The following ZMYND8 variants were observed in gnomAD, a reference collection of about 807,000 sequenced individuals.
ZMYND8 encodes the protein MYND-type zinc finger-containing chromatin reader ZMYND8.
A neutral mutation model predicts 140.8 loss-of-function variants in ZMYND8; 37 were observed. That is an observed-to-expected ratio of 0.26 (90% CI 0.20 to 0.35). The LOEUF (loss-of-function observed/expected upper bound fraction) is 0.35, where lower values mean the gene tolerates loss of function less well. ZMYND8 is among the 10% of genes least tolerant of loss of function. The pLI is 1.00. For missense variants in ZMYND8, 1,068 were observed against 1,570.0 expected, an observed-to-expected ratio of 0.68 and a Z score of 5.40; for synonymous variants, 592 against 597.1, an observed-to-expected ratio of 0.99 and a Z score of 0.12.
intron 7 of ZMYND8, 99 bp downstream of exon 7, chr20:47,290,088 T>G (rs1027702678): frequency 2.6e-6 from 3 of 1,162,700 alleles, no homozygotes; most frequent in African/African-American, 1.6e-5. Context: ...ACGCAAGTAT[T>G]CTCAATATGA....
rs754942487 is a variant in ZMYND8 at position 47,310,147 on chromosome 20, G to T, written c.143C>A (p.Ser48Tyr). The change falls in exon 3 of 23, where the codon TCT (serine) becomes TAT (tyrosine). Residue 48 changes from serine (S) to tyrosine (Y), a missense_variant. By Grantham distance (144) the Ser-to-Tyr change is moderately radical. Transcript: ENST00000471951. ...GTCCTGCGGCGAGTGGCCATTGGAA[G>T]AATGTGGAGGGCTGGGGAACTTTCT... ...QKRKFPSPPH[S>Y]SNGHSPQDTS... 6.2e-7 allele frequency: 1 copy of T among 1,613,674 alleles called. No individual in the cohort carries two copies. Among genetic ancestry groups the T allele is most frequent in the South Asian group, 1.1e-5 (1 of 91,000 alleles).
intron 11 of ZMYND8, among the ~76,000 whole-genome samples, chr20:47,264,059 G>T (rs918697173): frequency 6.6e-6 from 1 of 152,114 alleles, no homozygotes; most frequent in East Asian, 1.9e-4. Flanking sequence ...CTGCTGCCAT[G>T]CACAGAGCGG....
chr20:47,341,229 T>C (rs1038964263), intron 2 of ZMYND8, among the ~76,000 whole-genome samples: 1 of 152,152 alleles, frequency 6.6e-6, no homozygotes, highest in Non-Finnish European at 1.5e-5. Context: ...TATCCTTCCT[T>C]GTCTACTGAG....
At chr20:47,328,828 C>A (rs1297270813) in intron 2 of ZMYND8, among the ~76,000 whole-genome samples, 1 of 152,168 alleles carries the variant, frequency 6.6e-6, no homozygotes, top group Non-Finnish European at 1.5e-5. Context: ...CCATGAAATG[C>A]CAGTCCCTTG....
intron 11 of ZMYND8, among the ~76,000 whole-genome samples, chr20:47,269,959 A>G (rs926207551): frequency 6.6e-5 from 10 of 152,234 alleles, no homozygotes; most frequent in African/African-American, 2.4e-4. Flanking sequence ...ATACAAGGCT[A>G]TGGACCAGGC....
At chr20:47,220,133 C>CCA (rs1276413171) in intron 21 of ZMYND8, 125 bp downstream of exon 21, 1 of 868,588 alleles carries the variant, frequency 1.2e-6, no homozygotes, top group African/African-American at 1.7e-5. Flanking sequence ...CCCAGGCACC[C>CCA]CTAAGGATCC....
chr20:47,304,618 C>T (rs550894704), intron 3 of ZMYND8, among the ~76,000 whole-genome samples: 21 of 152,348 alleles, frequency 1.4e-4, no homozygotes, highest in African/African-American at 4.3e-4. Flanking sequence ...ACAGAGGCCA[C>T]ACAGGGACCA....
rs1217551908 is a variant in ZMYND8 at position 47,210,585 on chromosome 20, C to T, written c.*176G>A. On this transcript the variant is annotated 3_prime_UTR_variant, in exon 23 of 23. Transcript: ENST00000471951. ...GTGGGTGAACAGTCTGCAGTCAAAG[C>T]CGATGCTGGGTGTCCTGTAGTGTAG... 3.2e-5 allele frequency: 28 copies of T among 875,906 alleles called. No individual in the cohort carries two copies. The East Asian group carries it at 6.7e-4, about 21-fold the overall frequency. 54.3% of individuals were successfully genotyped at this position (875,906 alleles called of 1,614,324 possible). A position where few individuals can be genotyped will look rare whatever the true frequency, so the allele number is the denominator to read the frequency against.
intron 2 of ZMYND8, among the ~76,000 whole-genome samples, chr20:47,344,828 A>G (rs2082207679): frequency 6.6e-6 from 1 of 152,134 alleles, no homozygotes; most frequent in Non-Finnish European, 1.5e-5. Flanking sequence ...GTAATAGAAA[A>G]TTGGCCAGGC....
intron 2 of ZMYND8, among the ~76,000 whole-genome samples, chr20:47,325,156 C>G (rs888833527): frequency 1.3e-5 from 2 of 152,160 alleles, no homozygotes; most frequent in African/African-American, 4.8e-5. Context: ...TCACCCACCT[C>G]GGCCTCCCAA....
intron 10 of ZMYND8, among the ~76,000 whole-genome samples, chr20:47,278,605 G>T: frequency 6.6e-6 from 1 of 151,962 alleles, no homozygotes; most frequent in Non-Finnish European, 1.5e-5. Flanking sequence ...CAGGCGGATT[G>T]TTTGCAAGTC....
rs371077678 is a variant in ZMYND8, at chr20:47,227,305, T to C, written c.2938-24A>G. On this transcript the variant is annotated intron_variant, in intron 17 of 22. Transcript: ENST00000471951. ...ATCTGGAAGAGGGAGAGTGAGCGTC[T>C]TCAAAAGCTGTCTCATGCAGTTCAC... 5.0e-6 allele frequency: 8 copies of C among 1,612,902 alleles called. No homozygotes were observed. The African/African-American group carries it at 1.1e-4, about 22-fold the overall frequency.
In ZMYND8 at chr20:47,287,170, C is replaced by T; in HGVS notation, c.804+59G>A. 2.7e-6 allele frequency: 4 copies of T among 1,500,318 alleles called. No individual in the cohort carries two copies. The Admixed American group carries it at 5.0e-5, about 19-fold the overall frequency. 92.9% of individuals were successfully genotyped at this position (1,500,318 alleles called of 1,614,324 possible). On this transcript the variant is annotated intron_variant, in intron 8 of 22. Coordinates refer to ENST00000471951, the MANE Select transcript of ZMYND8 (RefSeq NM_001281775.3). Reference sequence around the variant, plus strand: ...TAGGAGATTCTGCAAATGGAAACTTCAGCTGCCCCATCCCCTCCTTCTGGG... The same window carrying T: ...TAGGAGATTCTGCAAATGGAAACTTTAGCTGCCCCATCCCCTCCTTCTGGG...
chr20:47,306,662 C>A (rs1489807556), intron 3 of ZMYND8, among the ~76,000 whole-genome samples: 1 of 151,462 alleles, frequency 6.6e-6, no homozygotes, highest in Non-Finnish European at 1.5e-5. Flanking sequence ...CCGCTGCCTC[C>A]CGGGTTCAAG....
At chr20:47,223,696 T>TA (rs1226465811) in intron 19 of ZMYND8, among the ~76,000 whole-genome samples, 1 of 150,920 alleles carries the variant, frequency 6.6e-6, no homozygotes. Context: ...CATAGTGGCA[T>TA]ATTTCTGTAA....
intron 22 of ZMYND8, among the ~76,000 whole-genome samples, chr20:47,211,108 T>C (rs565199000): frequency 6.6e-6 from 1 of 152,172 alleles, no homozygotes; most frequent in East Asian, 1.9e-4. Flanking sequence ...CGACAACCGG[T>C]TGAAAAAACG....
At position 47,210,851 on chromosome 20, in the gene ZMYND8, C is replaced by T; in HGVS notation, c.3615G>A (p.Lys1205=). The part of the protein sequence containing the change: ...NKSSWSSSDE[K]RGSTRSDHNT... ...TGTGATCGGAACGTGTCGATCCCCT[C>T]TTCTCATCACTGCTGCTCCAACTGG... is the stretch of plus-strand genomic sequence containing the variant. Residue 1205 remains lysine (K), a synonymous_variant, in exon 23 of 23, where the codon AAG becomes AAA. Coordinates refer to ENST00000471951, the MANE Select transcript of ZMYND8 (RefSeq NM_001281775.3). 2.5e-6 allele frequency: 4 copies of T among 1,614,130 alleles called. No individual in the cohort carries two copies. Among genetic ancestry groups the T allele is most frequent in the Non-Finnish European group, 3.4e-6 (4 of 1,180,028 alleles).
chr20:47,238,236 G>A (rs1023388612), intron 15 of ZMYND8: 1 of 174,968 alleles, frequency 5.7e-6, no homozygotes, highest in African/African-American at 2.4e-5. Flanking sequence ...TGATGTGGAT[G>A]GACCTCCAAA....
At chr20:47,276,904 TTC>T in intron 10 of ZMYND8, 109 bp from the exon 11 acceptor site, 1 of 977,438 alleles carries the variant, frequency 1.0e-6, no homozygotes, top group Non-Finnish European at 1.3e-6. Flanking sequence ...AAGATTCTTA[TTC>T]TATTAAAAAA....
Sources: gnomAD v4.1 joint callset for allele counts (sites outside exome capture counted in the v4.1 genomes callset) on GRCh38, gnomAD v4.1.1 for gene constraint, MANE v1.5 for transcripts, NCBI Gene and HGNC (gene_info 2026-07-23, HGNC 2026-07-21) for gene names.